Variants in SAMD4A observed in about 807,000 individuals in gnomAD.
SAMD4A encodes the protein sterile alpha motif domain containing 4A, also known as protein Smaug homolog 1.
A neutral mutation model predicts 81.3 loss-of-function variants in SAMD4A; 33 were observed. The ratio of observed to expected loss-of-function variants is 0.41; its 90% CI spans 0.31 to 0.54. The LOEUF (loss-of-function observed/expected upper bound fraction) is 0.54. Ranked by LOEUF, SAMD4A falls within the 20% of genes least tolerant of loss-of-function variation. The pLI is 0.37. For synonymous variants in SAMD4A, 389 were observed against 382.1 expected, an observed-to-expected ratio of 1.02 and a Z score of -0.21; for missense variants, 854 against 951.1, an observed-to-expected ratio of 0.90 and a Z score of 1.34.
rs978926658 is a variant in SAMD4A at position 54,759,744 on chromosome 14, T to C, written c.1177-417T>C. 2.6e-5 allele frequency among the ~76,000 whole-genome samples: 4 copies of C among 152,268 alleles called. No homozygotes were observed. In the South Asian group the frequency reaches 6.2e-4, roughly 24 times the overall value. On this transcript the variant is annotated intron_variant, in intron 6 of 12. Transcript: ENST00000554335. ...GCGTGTGCCATGGACTGAGTGATGG[T>C]GTGAACAAGCTATTTCATCCAGAAC...
intron 11 of SAMD4A, among the ~76,000 whole-genome samples, chr14:54,783,217 ACTT>A (rs201231744): frequency 0.017 from 2,539 of 151,712 alleles, 38 homozygotes; most frequent in South Asian, 0.051. Flanking sequence ...GTTTCCTTCT[ACTT>A]CTTCTACTTT....
Position 54,760,226 on chromosome 14 carries a change from G to C in SAMD4A, c.1242G>C (p.Pro414=), listed in dbSNP as rs577864831. ...LQELHQMILT[P]IKAYSSPSTT... is the part of the protein sequence containing the mutation. ...AACTGCACCAGATGATCCTGACTCCGATCAAGGCCTACAGCTCCCCGAGCA... is the reference window on the plus strand; with the variant it reads ...AACTGCACCAGATGATCCTGACTCCCATCAAGGCCTACAGCTCCCCGAGCA... The change falls in exon 7 of 13, where the codon CCG becomes CCC. Residue 414 remains proline, a synonymous_variant. Transcript: ENST00000554335. 1.2e-6 allele frequency: 2 copies of C among 1,613,274 alleles called. No individual in the cohort carries two copies. Among genetic ancestry groups the C allele is most frequent in the Non-Finnish European group, 1.7e-6 (2 of 1,179,922 alleles).
intron 11 of SAMD4A, among the ~76,000 whole-genome samples, chr14:54,781,793 G>A (rs2039005396): frequency 6.6e-6 from 1 of 152,236 alleles, no homozygotes. Context: ...GGGGCACCTA[G>A]CCCCATACAG....
intron 7 of SAMD4A, among the ~76,000 whole-genome samples, chr14:54,763,466 G>A (rs1017507956): frequency 2.0e-5 from 3 of 152,030 alleles, no homozygotes; most frequent in African/African-American, 4.8e-5. Flanking sequence ...TGCATAAACC[G>A]TAATGTATTT....
chr14:54,616,387 C>G (rs1378470532), intron 2 of SAMD4A, among the ~76,000 whole-genome samples: 4 of 152,190 alleles, frequency 2.6e-5, no homozygotes, highest in Non-Finnish European at 5.9e-5. Context: ...AGATCACATA[C>G]TAATACACTA....
At chr14:54,696,663 A>G (rs1226996047) in intron 2 of SAMD4A, among the ~76,000 whole-genome samples, 1 of 152,190 alleles carries the variant, frequency 6.6e-6, no homozygotes, top group Non-Finnish European at 1.5e-5. Flanking sequence ...GTATTTAAAC[A>G]CACTCTTTGT....
chr14:54,747,768 C>A (rs1234756081), intron 4 of SAMD4A, among the ~76,000 whole-genome samples: 1 of 152,170 alleles, frequency 6.6e-6, no homozygotes, highest in Non-Finnish European at 1.5e-5. Flanking sequence ...GTTGCCATTT[C>A]ACCACACACT....
chr14:54,621,245 C>A (rs546231880), intron 2 of SAMD4A, among the ~76,000 whole-genome samples: 2 of 152,338 alleles, frequency 1.3e-5, no homozygotes, highest in East Asian at 3.9e-4. Context: ...TCTTCCCTCA[C>A]TGGCACTCAC....
intron 2 of SAMD4A, among the ~76,000 whole-genome samples, chr14:54,588,964 A>G (rs967092944): frequency 2.0e-5 from 3 of 152,194 alleles, no homozygotes; most frequent in African/African-American, 7.2e-5. Context: ...AGGAAGAGGA[A>G]CTGCTCAATT....
intron 2 of SAMD4A, among the ~76,000 whole-genome samples, chr14:54,637,223 G>A (rs983616463): frequency 1.8e-4 from 28 of 152,022 alleles, no homozygotes; most frequent in African/African-American, 6.3e-4. Flanking sequence ...AAGTTAGTTG[G>A]GCATGGTGGC....
In SAMD4A at chr14:54,702,378, T is replaced by C; in HGVS notation, c.513T>C (p.Tyr171=). ...QNRGRSDSVD[Y]GQTHYYHQRQ... is the part of the protein sequence containing the mutation. ...GAGGCCGCTCAGACTCTGTGGATTA[T>C]GGACAGACACACTACTATCACCAAA... The change falls in exon 3 of 13, where the codon TAT becomes TAC. Residue 171 remains tyrosine (Y), a synonymous_variant. Coordinates refer to ENST00000554335, the MANE Select transcript of SAMD4A (RefSeq NM_015589.6). 3 of 1,614,176 alleles carry C rather than the reference T, an allele frequency of 1.9e-6. No homozygotes were observed. The highest frequency in any genetic ancestry group is 2.5e-6 in the Non-Finnish European group (3 of 1,180,012).
At chr14:54,670,742 G>A (rs2140511480) in intron 2 of SAMD4A, among the ~76,000 whole-genome samples, 1 of 152,336 alleles carries the variant, frequency 6.6e-6, no homozygotes, top group Non-Finnish European at 1.5e-5. Context: ...AGTAGCTCTT[G>A]TATGTGGAGG....
chr14:54,697,421 A>G (rs2036603965), intron 2 of SAMD4A, among the ~76,000 whole-genome samples: 1 of 152,190 alleles, frequency 6.6e-6, no homozygotes, highest in Non-Finnish European at 1.5e-5. Context: ...TGCCCTGACA[A>G]ATCATTATCA....
chr14:54,757,695 G>A (rs1248445261), intron 6 of SAMD4A, among the ~76,000 whole-genome samples: 1 of 152,150 alleles, frequency 6.6e-6, no homozygotes, highest in Non-Finnish European at 1.5e-5. Context: ...ACCCCAGCGT[G>A]GCTTTCCTAG....
intron 2 of SAMD4A, among the ~76,000 whole-genome samples, chr14:54,695,941 G>A (rs1394606986): frequency 1.6e-5 from 2 of 125,428 alleles, no homozygotes; most frequent in Non-Finnish European, 1.6e-5. Flanking sequence ...GACGGAGTGA[G>A]ACTCCATCTC....
At chr14:54,767,785 T>C (rs2038591634) in intron 8 of SAMD4A, among the ~76,000 whole-genome samples, 1 of 152,172 alleles carries the variant, frequency 6.6e-6, no homozygotes, top group African/African-American at 2.4e-5. Context: ...CCCCCATAAC[T>C]GAGCACTCCC....
intron 4 of SAMD4A, among the ~76,000 whole-genome samples, chr14:54,739,940 C>G (rs1224916334): frequency 2.0e-5 from 3 of 152,312 alleles, no homozygotes; most frequent in Non-Finnish European, 4.4e-5. Flanking sequence ...AAGGCTGAGG[C>G]AGGCAGATTG....
intron 4 of SAMD4A, among the ~76,000 whole-genome samples, chr14:54,747,602 T>G (rs868688786): frequency 6.6e-6 from 1 of 152,234 alleles, no homozygotes; most frequent in Non-Finnish European, 1.5e-5. Flanking sequence ...TAGATAATAC[T>G]TCATAAAAAA....
intron 2 of SAMD4A, among the ~76,000 whole-genome samples, chr14:54,615,271 G>A (rs1460215053): frequency 2.0e-5 from 3 of 152,310 alleles, no homozygotes; most frequent in Non-Finnish European, 2.9e-5. Flanking sequence ...TAGGGCAGAT[G>A]TCATTACTTC....
Sources: gnomAD v4.1 joint callset for allele counts (sites outside exome capture counted in the v4.1 genomes callset) on GRCh38, gnomAD v4.1.1 for gene constraint, MANE v1.5 for transcripts, NCBI Gene and HGNC (gene_info 2026-07-23, HGNC 2026-07-21) for gene names.